Variants in PLCL2 observed in about 807,000 individuals in gnomAD.
The protein encoded by PLCL2 is phospholipase C like 2, also known as inactive phospholipase C-like protein 2.
PLCL2 carries 4 observed loss-of-function variants against 79.6 expected under a neutral mutation model. The ratio of observed to expected loss-of-function variants is 0.05; its 90% CI spans 0.02 to 0.11. The LOEUF (loss-of-function observed/expected upper bound fraction) is 0.11, where lower values mean the gene tolerates loss of function less well. Among genes scored for constraint, PLCL2 ranks in the 10% least tolerant of loss-of-function variants. PLCL2 has a pLI of 1.00. For missense variants in PLCL2, 895 were observed against 1,291.0 expected (o/e 0.69, Z 4.70); for synonymous variants, 484 against 457.7 (o/e 1.06, Z -0.73).
chr3:16,920,246 T>G (rs997917216), intron 1 of PLCL2, among the ~76,000 whole-genome samples: 1 of 152,152 alleles, frequency 6.6e-6, no homozygotes, highest in Non-Finnish European at 1.5e-5. Flanking sequence ...AACAGCCTCT[T>G]TAGAAGGCAA....
At chr3:17,002,685 G>A (rs1476647849) in intron 1 of PLCL2, among the ~76,000 whole-genome samples, 1 of 151,914 alleles carries the variant, frequency 6.6e-6, no homozygotes, top group African/African-American at 2.4e-5. Flanking sequence ...ATATTTTGTT[G>A]CCCTATTATC....
In PLCL2 at chr3:17,009,625, G is replaced by A. The variant is rs1011384102; in HGVS notation, c.328-49G>A. 5 of 953,454 alleles carry A rather than the reference G, an allele frequency of 5.2e-6. No homozygotes were observed. Among genetic ancestry groups the A allele is most frequent in the African/African-American group, 1.7e-5 (1 of 60,366 alleles). 59.1% of individuals were successfully genotyped at this position (953,454 alleles called of 1,614,324 possible). A position where few individuals can be genotyped will look rare whatever the true frequency, so the allele number is the denominator to read the frequency against. ...ATTTCTATTCATAATCTTGAACATA[G>A]AAACCTATATTTATGTTATTCTAAT... On this transcript the variant is annotated intron_variant, in intron 1 of 5. Coordinates refer to ENST00000615277, the MANE Select transcript of PLCL2 (RefSeq NM_001144382.2). This position sits in a 1 kb window ranked among gnomAD's most constrained non-coding sequence, Gnocchi z 4.0.
chr3:16,973,979 G>A (rs115780831), intron 1 of PLCL2, among the ~76,000 whole-genome samples: 2,074 of 152,316 alleles, frequency 0.014, 20 homozygotes, highest in Non-Finnish European at 0.023. Flanking sequence ...AGTGACAATT[G>A]TTCTGAAATC....
intron 1 of PLCL2, among the ~76,000 whole-genome samples, chr3:16,898,105 T>A (rs905087400): frequency 6.6e-6 from 1 of 152,150 alleles, no homozygotes; most frequent in Admixed American, 6.5e-5. Flanking sequence ...GAAGGCCAAG[T>A]CCTTGGAGAC....
At chr3:17,088,023 A>T (rs930870688) in intron 5 of PLCL2, among the ~76,000 whole-genome samples, 3 of 152,198 alleles carry the variant, frequency 2.0e-5, no homozygotes, top group Admixed American at 6.5e-5. Flanking sequence ...ACTAGTAAGA[A>T]TGAATAAAAA....
At chr3:17,059,452 G>GTATATATATATACACTTGTA in intron 4 of PLCL2, among the ~76,000 whole-genome samples, 1 of 150,470 alleles carries the variant, frequency 6.6e-6, no homozygotes, top group South Asian at 2.1e-4. Context: ...GTGTGTGTGT[G>GTATATATATATACACTTGTA]TATATATATG....
intron 1 of PLCL2, among the ~76,000 whole-genome samples, chr3:16,983,469 G>A (rs2064019950): frequency 6.6e-6 from 1 of 152,116 alleles, no homozygotes; most frequent in Non-Finnish European, 1.5e-5. Context: ...AGGAGTTCAA[G>A]GCCAGCCTGG....
intron 4 of PLCL2, among the ~76,000 whole-genome samples, chr3:17,062,623 T>C (rs769948995): frequency 3.9e-5 from 6 of 152,224 alleles, no homozygotes; most frequent in Non-Finnish European, 7.3e-5. Flanking sequence ...GACTGGTATA[T>C]GGGACATTGG....
intron 1 of PLCL2, among the ~76,000 whole-genome samples, chr3:17,004,562 C>G (rs941954851): frequency 6.6e-6 from 1 of 151,884 alleles, no homozygotes; most frequent in Non-Finnish European, 1.5e-5. Flanking sequence ...ATAAAATGAC[C>G]TTCAGAGTGA....
chr3:17,008,255 A>G (rs1485623496), intron 1 of PLCL2, among the ~76,000 whole-genome samples: 1 of 151,286 alleles, frequency 6.6e-6, no homozygotes, highest in Non-Finnish European at 1.5e-5. Context: ...TCCAACAGCT[A>G]TAATCTAGCC....
At chr3:16,957,315 C>G (rs549952765) in intron 1 of PLCL2, among the ~76,000 whole-genome samples, 10 of 152,272 alleles carry the variant, frequency 6.6e-5, no homozygotes, top group East Asian at 1.9e-4. Flanking sequence ...GCAGGTTGTT[C>G]AGTTTCCATG....
intron 1 of PLCL2, among the ~76,000 whole-genome samples, chr3:16,913,449 T>C (rs142289859): frequency 0.022 from 3,340 of 151,784 alleles, 46 homozygotes; most frequent in Non-Finnish European, 0.033. Flanking sequence ...GGTGTAAAAT[T>C]TTTCTCAATT....
At chr3:17,021,895 T>C (rs769957918) in intron 3 of PLCL2, among the ~76,000 whole-genome samples, 1 of 152,144 alleles carries the variant, frequency 6.6e-6, no homozygotes, top group Non-Finnish European at 1.5e-5. Context: ...AATTGCAAAG[T>C]AAGCAAGGAA....
intron 2 of PLCL2, among the ~76,000 whole-genome samples, chr3:17,014,206 C>A (rs1040835057): frequency 6.6e-6 from 1 of 152,200 alleles, no homozygotes; most frequent in African/African-American, 2.4e-5. Flanking sequence ...ACAGTAGCAT[C>A]CTCAAAGGTT....
chr3:17,087,574 GTAGA>G (rs1177008965), intron 5 of PLCL2, among the ~76,000 whole-genome samples: 1 of 152,208 alleles, frequency 6.6e-6, no homozygotes, highest in East Asian at 1.9e-4. Flanking sequence ...TCGTGTAAGG[GTAGA>G]TAGATGTTGT....
At chr3:17,066,015 C>T (rs1438109968) in intron 4 of PLCL2, among the ~76,000 whole-genome samples, 1 of 152,212 alleles carries the variant, frequency 6.6e-6, no homozygotes, top group Non-Finnish European at 1.5e-5. Flanking sequence ...AGTATTAAAA[C>T]TTAGAAAAGC....
intron 1 of PLCL2, among the ~76,000 whole-genome samples, chr3:16,975,393 C>T (rs562828827): frequency 6.6e-6 from 1 of 152,300 alleles, no homozygotes; most frequent in Non-Finnish European, 1.5e-5. Context: ...TTAGTAGGTT[C>T]AGCTGCTTTG....
In PLCL2 at chr3:17,010,380, A is replaced by G; in HGVS notation, c.1034A>G (p.Tyr345Cys). ...FHELCTRPEI[Y>C]FLLVQFSSNK... ...GAGCTTTGTACTAGACCTGAAATTT[A>G]TTTCCTTTTAGTTCAGTTTTCAAGC... The change falls in exon 2 of 6, where the codon TAT becomes TGT. Residue 345 changes from tyrosine (Y) to cysteine (C), a missense_variant. Physicochemically the swap from Tyr to Cys is radical, Grantham distance 194. Around this residue, in one of 6 missense-constraint regions of PLCL2, gnomAD observed 93 missense variants for 93.2 expected, o/e 1.00. Coordinates refer to ENST00000615277, the MANE Select transcript of PLCL2 (RefSeq NM_001144382.2). This position sits in a 1 kb window ranked among gnomAD's most constrained non-coding sequence, Gnocchi z 5.8. The G allele has an allele frequency of 6.2e-7, 1 of 1,613,934 alleles. No homozygotes were observed. Among genetic ancestry groups the G allele is most frequent in the Non-Finnish European group, 8.5e-7 (1 of 1,179,924 alleles).
chr3:17,078,332 T>C (rs1443295963), intron 5 of PLCL2, among the ~76,000 whole-genome samples: 2 of 152,202 alleles, frequency 1.3e-5, no homozygotes, highest in African/African-American at 2.4e-5. Context: ...GTTTTGCTGC[T>C]CCATGTGATA....
Sources: gnomAD v4.1 joint callset for allele counts (sites outside exome capture counted in the v4.1 genomes callset) on GRCh38, gnomAD v4.1.1 for gene constraint, gnomAD v4.1.1 regional missense constraint, Gnocchi (gnomAD v3.1) non-coding constraint, MANE v1.5 for transcripts, NCBI Gene and HGNC (gene_info 2026-07-23, HGNC 2026-07-21) for gene names.